Variants in ZNF385D observed in about 807,000 individuals in gnomAD.
ZNF385D encodes zinc finger protein 659.
ZNF385D carries 15 observed loss-of-function variants against 35.8 expected under a neutral mutation model. That is an observed-to-expected ratio of 0.42 (90% CI 0.28 to 0.64). The LOEUF is 0.64. Among genes scored for constraint, ZNF385D ranks in the 30% least tolerant of loss-of-function variants. ZNF385D has a pLI of 0.23. For missense variants in ZNF385D, 474 were observed against 494.6 expected, an observed-to-expected ratio of 0.96 and a Z score of 0.39; for synonymous variants, 212 against 186.8, an observed-to-expected ratio of 1.13 and a Z score of -1.10.
intron 2 of ZNF385D, among the ~76,000 whole-genome samples, chr3:21,609,155 C>T (rs1325499093): frequency 1.3e-5 from 2 of 152,088 alleles, no homozygotes; most frequent in Non-Finnish European, 2.9e-5. Context: ...CAGAAGAACA[C>T]GAGAGTAAGA....
At position 22,140,173 on chromosome 3, in the gene ZNF385D, CAA is replaced by C. The variant is rs1576388472; in HGVS notation, c.325+28642_325+28643del. Among the ~76,000 whole-genome samples, 4 of 152,240 alleles carry C rather than the reference CAA, an allele frequency of 2.6e-5. No individual in the cohort carries two copies. The East Asian group carries it at 7.7e-4, about 29-fold the overall frequency. On this transcript the variant is annotated intron_variant, in intron 3 of 5. Transcript: ENST00000494108. ...ATGTTTATAGGAGCTTTGTAATATTCAAAAGTCTTTCAACTAGTGAATGAATA... is the reference window on the plus strand; with the variant it reads ...ATGTTTATAGGAGCTTTGTAATATTCAAGTCTTTCAACTAGTGAATGAATA...
At position 21,537,067 on chromosome 3, in the gene ZNF385D, T is replaced by C. The variant is rs1575125668; in HGVS notation, c.277-26044A>G. Among the ~76,000 whole-genome samples, 3 of 150,064 alleles carry C rather than the reference T, an allele frequency of 2.0e-5. No homozygotes were observed. The South Asian group carries it at 6.4e-4, about 32-fold the overall frequency. On this transcript the variant is annotated intron_variant, in intron 3 of 7. Transcript: ENST00000281523. The stretch of plus-strand genomic sequence containing the variant: ...CAAGATGAATAACATTTTAATGTTA[T>C]AGCTTAAAAAATTAAAATCAATGCA...
intron 3 of ZNF385D, among the ~76,000 whole-genome samples, chr3:21,950,162 C>T (rs1326715134): frequency 6.6e-6 from 1 of 151,780 alleles, no homozygotes; most frequent in Non-Finnish European, 1.5e-5. Flanking sequence ...AACTAATTTA[C>T]ACTCCCACCA....
At chr3:22,094,009 C>T (rs1701469032) in intron 3 of ZNF385D, among the ~76,000 whole-genome samples, 2 of 152,006 alleles carry the variant, frequency 1.3e-5, no homozygotes, top group Non-Finnish European at 2.9e-5. Context: ...TAAAATAATA[C>T]CAATTTAACG....
intron 2 of ZNF385D, among the ~76,000 whole-genome samples, chr3:22,360,701 G>A (rs1314855025): frequency 2.6e-5 from 4 of 151,938 alleles, no homozygotes; most frequent in Non-Finnish European, 5.9e-5. Flanking sequence ...AGCATGAAAG[G>A]CACTTTGTGT....
chr3:21,780,990 A>G (rs1177618360), intron 3 of ZNF385D, among the ~76,000 whole-genome samples: 5 of 152,062 alleles, frequency 3.3e-5, no homozygotes, highest in Non-Finnish European at 5.9e-5. Flanking sequence ...CAACTACTTA[A>G]ATCATCAACA....
rs139687173 is a variant in ZNF385D at position 22,272,738 on chromosome 3, T to C, written c.106+99712A>G. ...TTGTTTTCCTTAGACTGTATGTAAA[T>C]AATTGTATCCCTTATTTGGCTTTGT... On this transcript the variant is annotated intron_variant, in intron 2 of 5. Transcript: ENST00000494108. Among the ~76,000 whole-genome samples the C allele has an allele frequency of 1.7e-4, 26 of 152,196 alleles. No individual in the cohort carries two copies. The East Asian group carries it at 4.1e-3, about 24-fold the overall frequency.
At chr3:21,832,926 C>T (rs2673531) in intron 3 of ZNF385D, among the ~76,000 whole-genome samples, 135,789 of 152,252 alleles carry the variant, frequency 0.89, 60,803 homozygotes, top group African/African-American at 0.96. Flanking sequence ...TACTTGTGGT[C>T]AAAAACTTTT....
intron 3 of ZNF385D, among the ~76,000 whole-genome samples, chr3:21,890,018 C>T (rs919212039): frequency 6.6e-6 from 1 of 152,058 alleles, no homozygotes; most frequent in East Asian, 1.9e-4. Context: ...GATGAGCCCA[C>T]CCTAGTGATT....
At chr3:21,549,977 T>C (rs2062510881) in intron 3 of ZNF385D, among the ~76,000 whole-genome samples, 1 of 152,090 alleles carries the variant, frequency 6.6e-6, no homozygotes, top group South Asian at 2.1e-4. Context: ...CTTTAGAAAA[T>C]TGCAACTGAG....
rs186423921 is a variant in ZNF385D at position 21,907,122 on chromosome 3, C to T, written c.326-242094G>A. Among the ~76,000 whole-genome samples, 410 of 152,288 alleles carry T rather than the reference C, an allele frequency of 2.7e-3. 2 individuals carry two copies. Among genetic ancestry groups the T allele is most frequent in the African/African-American group, 9.3e-3 (388 of 41,570 alleles). On this transcript the variant is annotated intron_variant, in intron 3 of 5. Coordinates refer to the ZNF385D transcript ENST00000494108. ...CATCGAGAATGTTTATTAGAACTTACACCTCTTCAATAGGCAGTCGGGCAA... is the reference window on the plus strand; with the variant it reads ...CATCGAGAATGTTTATTAGAACTTATACCTCTTCAATAGGCAGTCGGGCAA...
At chr3:22,222,257 C>A (rs940815655) in intron 2 of ZNF385D, among the ~76,000 whole-genome samples, 1 of 151,952 alleles carries the variant, frequency 6.6e-6, no homozygotes, top group Non-Finnish European at 1.5e-5. Flanking sequence ...GCATGAGCCA[C>A]GTCCGGCTAA....
intron 3 of ZNF385D, among the ~76,000 whole-genome samples, chr3:21,786,670 T>C (rs1173584885): frequency 6.6e-6 from 1 of 152,210 alleles, no homozygotes; most frequent in African/African-American, 2.4e-5. Context: ...GACAGAATAA[T>C]AAGGCCATTT....
intron 2 of ZNF385D, among the ~76,000 whole-genome samples, chr3:22,318,515 G>T (rs998031594): frequency 6.6e-6 from 1 of 152,130 alleles, no homozygotes; most frequent in Non-Finnish European, 1.5e-5. Context: ...AATTAAATTT[G>T]AGTACAAATG....
At chr3:22,036,812 T>G (rs969132740) in intron 3 of ZNF385D, among the ~76,000 whole-genome samples, 1 of 150,524 alleles carries the variant, frequency 6.6e-6, no homozygotes, top group South Asian at 2.1e-4. Context: ...GCTGTACCCA[T>G]TAACTCGTCA....
intron 3 of ZNF385D, among the ~76,000 whole-genome samples, chr3:21,519,720 G>A (rs3860577): frequency 0.64 from 96,845 of 151,960 alleles, 30,955 homozygotes; most frequent in African/African-American, 0.71. Context: ...AGTGACAGAA[G>A]CACAAAAATT....
rs1387696433 is a variant in ZNF385D at position 21,421,458 on chromosome 3, G to GA, written c.955-12dup. 1.7e-5 allele frequency: 27 copies of GA among 1,583,478 alleles called. No individual in the cohort carries two copies. The highest frequency in any genetic ancestry group is 1.6e-4 in the African/African-American group (12 of 73,748). ...AAATACTAATTTTACCTGCAAGGGA[G>GA]AAAAAATATTGTAAAAAAAACAACA... On this transcript the variant is annotated splice_polypyrimidine_tract_variant and intron_variant, in intron 7 of 7. Transcript: ENST00000281523.
chr3:21,772,156 C>A (rs919636018), intron 3 of ZNF385D, among the ~76,000 whole-genome samples: 10 of 151,858 alleles, frequency 6.6e-5, no homozygotes, highest in African/African-American at 2.4e-4. Context: ...AATTTGATCA[C>A]ATTGGATTTA....
intron 2 of ZNF385D, among the ~76,000 whole-genome samples, chr3:21,630,734 A>T (rs545429893): frequency 6.6e-6 from 1 of 152,114 alleles, no homozygotes; most frequent in East Asian, 1.9e-4. Flanking sequence ...TGGAATGAAA[A>T]GTCCTCTTTA....
Sources: allele counts gnomAD v4.1 joint callset (sites outside exome capture counted in the v4.1 genomes callset), GRCh38; gene constraint gnomAD v4.1.1; transcripts MANE v1.5; gene names NCBI Gene and HGNC (gene_info 2026-07-23, HGNC 2026-07-21).